Variants in KALRN observed in about 807,000 individuals in gnomAD.
KALRN encodes kalirin RhoGEF kinase.
In KALRN, 70 loss-of-function variants were observed where a neutral mutation model predicts 353.7. That is an observed-to-expected ratio of 0.20 (90% confidence interval 0.16 to 0.24). The LOEUF (loss-of-function observed/expected upper bound fraction) is 0.24, where lower values mean the gene tolerates loss of function less well. Among genes scored for constraint, KALRN ranks in the 10% least tolerant of loss-of-function variants. The pLI is 1.00. For missense variants in KALRN, 2,791 were observed against 3,756.7 expected (o/e 0.74, Z 6.72); for synonymous variants, 1,391 against 1,434.8 (o/e 0.97, Z 0.69).
At chr3:124,543,997 T>C (rs1174345614) in intron 33 of KALRN, among the ~76,000 whole-genome samples, 1 of 152,178 alleles carries the variant, frequency 6.6e-6, no homozygotes, top group Non-Finnish European at 1.5e-5. Flanking sequence ...ACCCCAACTC[T>C]AGTTGCAGAG....
At chr3:124,557,073 A>C (rs1397728670) in intron 33 of KALRN, among the ~76,000 whole-genome samples, 2 of 152,172 alleles carry the variant, frequency 1.3e-5, no homozygotes, top group Non-Finnish European at 2.9e-5. Context: ...TAGGTTTTTT[A>C]AGTAATTTCA....
At chr3:124,250,611 A>G (rs1229994525) in intron 3 of KALRN, among the ~76,000 whole-genome samples, 1 of 152,252 alleles carries the variant, frequency 6.6e-6, no homozygotes, top group Non-Finnish European at 1.5e-5. Flanking sequence ...TGCTATGATC[A>G]TAATGATATT....
At chr3:124,207,165 C>T (rs919364174) in intron 1 of KALRN, among the ~76,000 whole-genome samples, 39 of 152,324 alleles carry the variant, frequency 2.6e-4, no homozygotes, top group African/African-American at 8.2e-4. Flanking sequence ...GGGAGACATT[C>T]GGGATCAGGC....
At position 124,441,956 on chromosome 3, in the gene KALRN, G is replaced by A. The variant is rs749185411; in HGVS notation, c.3210G>A (p.Leu1070=). Residue 1070 remains leucine (L), a synonymous_variant, in exon 19 of 60, where the codon CTG becomes CTA. Transcript: ENST00000682506. The part of the protein sequence containing the change: ...QKEAFLKACT[L]ARRNAEVFLK... ...TTTGTCTTTCGCAGGCCTGCACCCT[G>A]GCTCGGCGGAATGCTGAGGTGTTTC... 12 of 1,588,968 alleles carry A rather than the reference G, an allele frequency of 7.6e-6. No individual in the cohort carries two copies. The highest frequency in any genetic ancestry group is 1.1e-5 in the South Asian group (1 of 89,064).
chr3:124,180,779 T>C (rs1400497537), intron 1 of KALRN, among the ~76,000 whole-genome samples: 1 of 152,128 alleles, frequency 6.6e-6, no homozygotes, highest in African/African-American at 2.4e-5. Context: ...TCTGCTCTCC[T>C]TCCTCCGAGT....
At chr3:124,280,729 C>A (rs2075264454) in intron 5 of KALRN, among the ~76,000 whole-genome samples, 1 of 152,138 alleles carries the variant, frequency 6.6e-6, no homozygotes, top group African/African-American at 2.4e-5. Context: ...GAGAGAGACA[C>A]CATCTCATAT....
At chr3:124,578,377 G>A (rs2074318133) in intron 34 of KALRN, among the ~76,000 whole-genome samples, 1 of 152,236 alleles carries the variant, frequency 6.6e-6, no homozygotes, top group Non-Finnish European at 1.5e-5. Flanking sequence ...AATCTACACA[G>A]GGAAGATGAG....
At chr3:124,402,710 G>A (rs1368987944) in intron 13 of KALRN, among the ~76,000 whole-genome samples, 3 of 152,262 alleles carry the variant, frequency 2.0e-5, no homozygotes, top group Admixed American at 6.5e-5. Context: ...TTATAAAAAC[G>A]TTCGGTCACT....
At chr3:124,378,303 C>T (rs1347848500) in intron 10 of KALRN, among the ~76,000 whole-genome samples, 2 of 152,006 alleles carry the variant, frequency 1.3e-5, no homozygotes, top group Non-Finnish European at 2.9e-5. Flanking sequence ...AGTATAGGAA[C>T]CTTACAATAG....
At chr3:124,193,638 A>T (rs552229972) in intron 1 of KALRN, among the ~76,000 whole-genome samples, 1 of 152,160 alleles carries the variant, frequency 6.6e-6, no homozygotes, top group South Asian at 2.1e-4. Flanking sequence ...ACTACAACTT[A>T]TGGCATTTCC....
Position 124,140,149 on chromosome 3 carries a change from C to G in KALRN, c.74-87841C>G, listed in dbSNP as rs755863528. Among the ~76,000 whole-genome samples, 4 of 152,270 alleles carry G rather than the reference C, an allele frequency of 2.6e-5. No individual in the cohort carries two copies. In the South Asian group the frequency reaches 8.3e-4, roughly 32 times the overall value. On this transcript the variant is annotated intron_variant, in intron 1 of 59. Transcript: ENST00000682506. Reference sequence around the variant, plus strand: ...GTCAATCGTTGACTAACTTCAGTAGCCTACCCAAATATGGCCAATGATTCC... The same window carrying G: ...GTCAATCGTTGACTAACTTCAGTAGGCTACCCAAATATGGCCAATGATTCC...
chr3:124,231,185 T>C (rs561905902), intron 2 of KALRN, among the ~76,000 whole-genome samples: 1 of 152,350 alleles, frequency 6.6e-6, no homozygotes, highest in African/African-American at 2.4e-5. Context: ...TGCATGTCTG[T>C]GAGACAGGAT....
At chr3:124,358,031 T>C (rs1336796967) in intron 10 of KALRN, among the ~76,000 whole-genome samples, 1 of 152,154 alleles carries the variant, frequency 6.6e-6, no homozygotes, top group East Asian at 1.9e-4. Context: ...ACCTGGAACA[T>C]AACTGAGTAC....
chr3:124,263,083 G>GT (rs1477320782), intron 3 of KALRN, among the ~76,000 whole-genome samples: 2 of 151,930 alleles, frequency 1.3e-5, no homozygotes, highest in Non-Finnish European at 2.9e-5. Flanking sequence ...TCTGACCTTC[G>GT]TTTTTTTTCT....
At chr3:124,359,246 TTGGTGACAGCTGGCTC>T (rs1317703035) in intron 10 of KALRN, among the ~76,000 whole-genome samples, 29 of 152,316 alleles carry the variant, frequency 1.9e-4, no homozygotes, top group Admixed American at 1.7e-3. Flanking sequence ...GTAAGAATGA[TTGGTGACAGCTGGCTC>T]TGCTCTTTGC....
At chr3:124,392,046 T>C (rs2089469314) in intron 11 of KALRN, among the ~76,000 whole-genome samples, 1 of 152,124 alleles carries the variant, frequency 6.6e-6, no homozygotes, top group Admixed American at 6.5e-5. Flanking sequence ...AAATATCTTT[T>C]TTTTCCTTTT....
At chr3:124,375,835 G>A (rs1560730134) in intron 10 of KALRN, among the ~76,000 whole-genome samples, 1 of 152,176 alleles carries the variant, frequency 6.6e-6, no homozygotes, top group Non-Finnish European at 1.5e-5. Context: ...GCAATAATAT[G>A]TAAATGAAGA....
intron 22 of KALRN, among the ~76,000 whole-genome samples, chr3:124,456,112 A>G (rs1354137629): frequency 6.6e-6 from 1 of 152,218 alleles, no homozygotes; most frequent in East Asian, 1.9e-4. Context: ...GGGATGAGCA[A>G]TGAGAAAGTT....
intron 34 of KALRN, among the ~76,000 whole-genome samples, chr3:124,577,305 GGC>G (rs1165587146): frequency 6.6e-6 from 1 of 152,114 alleles, no homozygotes; most frequent in African/African-American, 2.4e-5. Context: ...GTGTCAATTG[GGC>G]AAGTACAGAG....
Sources: allele counts gnomAD v4.1 joint callset (sites outside exome capture counted in the v4.1 genomes callset), GRCh38; gene constraint gnomAD v4.1.1; transcripts MANE v1.5; gene names NCBI Gene and HGNC (gene_info 2026-07-23, HGNC 2026-07-21).